PDE1A: variants seen among roughly 807,000 people sequenced by gnomAD.
PDE1A encodes phosphodiesterase 1A.
In PDE1A, 35 loss-of-function variants were observed where a neutral mutation model predicts 61.7. The observed-to-expected ratio is 0.57, with a 90% CI of 0.43 to 0.75. PDE1A has a LOEUF of 0.75. PDE1A is among the 30% of genes least tolerant of loss of function. The pLI is 0.00. For missense variants in PDE1A, 597 were observed against 630.6 expected, an observed-to-expected ratio of 0.95 and a Z score of 0.57; for synonymous variants, 232 against 213.2, an observed-to-expected ratio of 1.09 and a Z score of -0.77.
intron 2 of PDE1A, among the ~76,000 whole-genome samples, chr2:182,449,640 C>T (rs1239835841): frequency 1.3e-5 from 2 of 152,010 alleles, no homozygotes; most frequent in Non-Finnish European, 2.9e-5. Flanking sequence ...CACTCTTTGG[C>T]ATTTTTACCT....
the PDE1A span, among the ~76,000 whole-genome samples, chr2:182,606,708 AT>A: frequency 1.3e-5 from 2 of 152,234 alleles, no homozygotes; most frequent in Non-Finnish European, 2.9e-5. Context: ...CAAAAATTGT[AT>A]ATCTAACTTT....
chr2:182,630,235 G>A, the PDE1A span, among the ~76,000 whole-genome samples: 1 of 151,432 alleles, frequency 6.6e-6, no homozygotes, highest in Admixed American at 6.6e-5. Context: ...GGTGTTTCTT[G>A]TTATGTTGCT....
chr2:182,549,898 A>G, the PDE1A span, among the ~76,000 whole-genome samples: 1 of 152,206 alleles, frequency 6.6e-6, no homozygotes, highest in Non-Finnish European at 1.5e-5. Flanking sequence ...ATACAAATGA[A>G]ATCAGGAAGA....
chr2:182,705,745 C>A, the PDE1A span, among the ~76,000 whole-genome samples: 6 of 152,190 alleles, frequency 3.9e-5, no homozygotes, highest in Non-Finnish European at 8.8e-5. Context: ...AACTCCTGAC[C>A]TCAAATGATC....
At chr2:182,513,594 C>G (rs1401187935) in intron 2 of PDE1A, among the ~76,000 whole-genome samples, 1 of 152,140 alleles carries the variant, frequency 6.6e-6, no homozygotes, top group Non-Finnish European at 1.5e-5. Context: ...CTTCACATAT[C>G]GATGTTAACC....
intron 2 of PDE1A, among the ~76,000 whole-genome samples, chr2:182,256,038 C>CTTTTTTTTTTTTTTTTTTTCTT (rs1691762728): frequency 2.2e-5 from 2 of 92,332 alleles, no homozygotes; most frequent in Non-Finnish European, 4.2e-5. Flanking sequence ...AGGATGACTT[C>CTTTTTTTTTTTTTTTTTTTCTT]TTTTTTTTTT....
At chr2:182,487,672 G>A (rs2125867737) in intron 2 of PDE1A, among the ~76,000 whole-genome samples, 1 of 152,248 alleles carries the variant, frequency 6.6e-6, no homozygotes, top group Non-Finnish European at 1.5e-5. Flanking sequence ...GGGATGGGTA[G>A]GAGTGGGCCA....
chr2:182,657,630 T>C, the PDE1A span, among the ~76,000 whole-genome samples: 1 of 152,132 alleles, frequency 6.6e-6, no homozygotes, highest in Non-Finnish European at 1.5e-5. Context: ...CAAAAACACC[T>C]GATAAATTTA....
chr2:182,687,930 G>A, the PDE1A span, among the ~76,000 whole-genome samples: 1 of 152,188 alleles, frequency 6.6e-6, no homozygotes, highest in Non-Finnish European at 1.5e-5. Flanking sequence ...GGGTATCACT[G>A]ATTGAAGATC....
At chr2:182,356,691 G>A (rs951693286) in intron 1 of PDE1A, among the ~76,000 whole-genome samples, 8 of 151,946 alleles carry the variant, frequency 5.3e-5, no homozygotes, top group East Asian at 3.9e-4. Flanking sequence ...CCAAGATGGC[G>A]CCACTGCACT....
chr2:182,587,262 C>T, the PDE1A span, among the ~76,000 whole-genome samples: 2 of 152,118 alleles, frequency 1.3e-5, no homozygotes, highest in African/African-American at 4.8e-5. Flanking sequence ...CTCCTCAGGA[C>T]AATGCTAGTT....
the PDE1A span, among the ~76,000 whole-genome samples, chr2:182,710,614 C>T: frequency 6.6e-6 from 1 of 152,166 alleles, no homozygotes; most frequent in Admixed American, 6.5e-5. Context: ...GTTTGCCTTT[C>T]TGTATTTGGA....
chr2:182,208,075 G>C (rs1687261611), intron 7 of PDE1A, among the ~76,000 whole-genome samples: 1 of 152,220 alleles, frequency 6.6e-6, no homozygotes, highest in Admixed American at 6.5e-5. Flanking sequence ...GCCTCATGGA[G>C]AACCTCTAGT....
At chr2:182,410,535 T>C (rs1305237218) in intron 1 of PDE1A, among the ~76,000 whole-genome samples, 4 of 152,232 alleles carry the variant, frequency 2.6e-5, no homozygotes, top group South Asian at 2.1e-4. Context: ...GTCTCTCTAA[T>C]GTACATATAA....
At chr2:182,500,894 CTGTAT>C (rs1298806370) in intron 2 of PDE1A, among the ~76,000 whole-genome samples, 1 of 152,162 alleles carries the variant, frequency 6.6e-6, no homozygotes, top group African/African-American at 2.4e-5. Flanking sequence ...CTGATCAACA[CTGTAT>C]TGTAGTTAGT....
At chr2:182,564,738 G>A in the PDE1A span, among the ~76,000 whole-genome samples, 2 of 152,158 alleles carry the variant, frequency 1.3e-5, no homozygotes, top group African/African-American at 4.8e-5. Context: ...ATTTCTTGGA[G>A]GCTTTGTTCG....
chr2:182,485,022 C>T (rs1288605661), intron 2 of PDE1A, among the ~76,000 whole-genome samples: 1 of 151,862 alleles, frequency 6.6e-6, no homozygotes, highest in South Asian at 2.1e-4. Context: ...TAGGTATAAA[C>T]CCAGAGGAAT....
At chr2:182,611,426 C>T in the PDE1A span, among the ~76,000 whole-genome samples, 1 of 152,070 alleles carries the variant, frequency 6.6e-6, no homozygotes, top group African/African-American at 2.4e-5. Flanking sequence ...CAAAATAATC[C>T]CAAGGCACAG....
the PDE1A span, among the ~76,000 whole-genome samples, chr2:182,568,450 G>A: frequency 2.6e-5 from 4 of 151,168 alleles, no homozygotes; most frequent in South Asian, 2.1e-4. Context: ...AGGCCAAGGC[G>A]GGCAGATCAC....
Sources: gnomAD v4.1 joint callset for allele counts (sites outside exome capture counted in the v4.1 genomes callset) on GRCh38, gnomAD v4.1.1 for gene constraint, MANE v1.5 for transcripts, NCBI Gene and HGNC (gene_info 2026-07-23, HGNC 2026-07-21) for gene names.